KCNH1: variants seen among roughly 807,000 people sequenced by gnomAD.
KCNH1 encodes voltage-gated delayed rectifier potassium channel KCNH1.
In KCNH1, 27 loss-of-function variants were observed where a neutral mutation model predicts 69.2. The ratio of observed to expected loss-of-function variants is 0.39; its 90% CI spans 0.29 to 0.54. KCNH1 has a LOEUF of 0.54. Among genes scored for constraint, KCNH1 ranks in the 20% least tolerant of loss-of-function variants. The pLI is 0.68. For missense variants in KCNH1, 798 were observed against 1,261.6 expected (o/e 0.63, Z 5.57); for synonymous variants, 456 against 487.7 (o/e 0.93, Z 0.86).
intron 7 of KCNH1, chr1:210,861,649 A>G (rs1418564648): frequency 1.3e-6 from 1 of 771,722 alleles, no homozygotes; most frequent in African/African-American, 1.7e-5. Flanking sequence ...AGCATAGAGT[A>G]TATACTGAAC....
intron 10 of KCNH1, among the ~76,000 whole-genome samples, chr1:210,731,265 C>G (rs1244158448): frequency 6.6e-6 from 1 of 152,008 alleles, no homozygotes; most frequent in Admixed American, 6.5e-5. Flanking sequence ...TTATAAAAGC[C>G]CATATACTTG....
rs200962060 is a variant in KCNH1 at position 211,121,039 on chromosome 1, CAAAT to C, written c.79+12824_79+12827del. ...TCAGGGAAATAAGAGAGGACACAAA[CAAAT>C]GGAAAAAAATTCCATCCTCATGGAT... On this transcript the variant is annotated intron_variant, in intron 1 of 10. Transcript: ENST00000271751. Among the ~76,000 whole-genome samples the C allele has an allele frequency of 7.9e-3, 1,202 of 152,102 alleles. 11 individuals are homozygous for C. The highest frequency in any genetic ancestry group is 0.027 in the African/African-American group (1,130 of 41,472).
chr1:210,988,543 A>C (rs1450731960), intron 6 of KCNH1, among the ~76,000 whole-genome samples: 2 of 152,252 alleles, frequency 1.3e-5, no homozygotes, highest in Non-Finnish European at 2.9e-5. Context: ...GTCTATTGCA[A>C]TAAGCCATCA....
At chr1:211,015,971 TA>T (rs1332794048) in intron 6 of KCNH1, among the ~76,000 whole-genome samples, 1 of 152,252 alleles carries the variant, frequency 6.6e-6, no homozygotes, top group Non-Finnish European at 1.5e-5. Context: ...ATATTTGTAC[TA>T]TTATTTATGA....
At chr1:210,906,638 G>C (rs1431705053) in intron 7 of KCNH1, among the ~76,000 whole-genome samples, 1 of 152,170 alleles carries the variant, frequency 6.6e-6, no homozygotes, top group Non-Finnish European at 1.5e-5. Context: ...TGTCCAAATG[G>C]CCTGTCCATA....
chr1:211,132,362 T>C (rs1691892522), intron 1 of KCNH1, among the ~76,000 whole-genome samples: 1 of 152,212 alleles, frequency 6.6e-6, no homozygotes, highest in South Asian at 2.1e-4. Context: ...GCTGTTCACA[T>C]AGCAATTATC....
intron 7 of KCNH1, among the ~76,000 whole-genome samples, chr1:210,854,617 C>T (rs866089802): frequency 6.6e-6 from 1 of 152,152 alleles, no homozygotes; most frequent in South Asian, 2.1e-4. Context: ...CAGTAATAAG[C>T]AGGGGCATCA....
intron 1 of KCNH1, among the ~76,000 whole-genome samples, chr1:211,125,777 T>C (rs765627847): frequency 6.6e-6 from 1 of 152,212 alleles, no homozygotes; most frequent in Non-Finnish European, 1.5e-5. Context: ...TGGGAAATGA[T>C]GGTTTTTAGT....
chr1:211,048,762 T>G (rs1479395232), intron 5 of KCNH1, among the ~76,000 whole-genome samples: 1 of 152,138 alleles, frequency 6.6e-6, no homozygotes, highest in African/African-American at 2.4e-5. Flanking sequence ...AGGTGATGGG[T>G]GTACCAAACC....
chr1:210,838,841 G>A (rs1459654060), intron 7 of KCNH1, among the ~76,000 whole-genome samples: 1 of 152,162 alleles, frequency 6.6e-6, no homozygotes, highest in Non-Finnish European at 1.5e-5. Context: ...TTAGAGAAAT[G>A]CAAATCAAAA....
chr1:210,957,819 G>GA lies in KCNH1; in HGVS notation c.1033-37751dup, dbSNP rs1163782807. 1.8e-4 allele frequency among the ~76,000 whole-genome samples: 27 copies of GA among 152,266 alleles called. 1 individual carries two copies. Among genetic ancestry groups the GA allele is most frequent in the African/African-American group, 6.0e-4 (25 of 41,552 alleles). ...GGCCTATGTGTGTCTCTGCACATGA[G>GA]ATGGGTCTCCTGAATACAGCACACT... On this transcript the variant is annotated intron_variant, in intron 6 of 10. Coordinates refer to ENST00000271751, the MANE Select transcript of KCNH1 (RefSeq NM_172362.3).
rs4639824 is a variant in KCNH1, at chr1:211,009,731, A to T, written c.1032+9052T>A. Among the ~76,000 whole-genome samples the T allele has an allele frequency of 4.2e-4, 64 of 151,526 alleles. 1 individual carries two copies. The Middle Eastern group carries it at 0.014, about 32-fold the overall frequency. On this transcript the variant is annotated intron_variant, in intron 6 of 10. Transcript: ENST00000271751. ...TCAAGCAATTCTCCTGCCTCAGCCT[A>T]CTGAGTGGCTGGGACTAGAGGTGCT... is the stretch of plus-strand genomic sequence containing the variant.
intron 1 of KCNH1, among the ~76,000 whole-genome samples, chr1:211,111,155 C>A (rs1225351784): frequency 2.6e-5 from 4 of 152,170 alleles, no homozygotes; most frequent in Admixed American, 6.5e-5. Context: ...AGATAGATTT[C>A]AAGCTCCAGA....
At chr1:210,897,517 C>CA (rs1041625872) in intron 7 of KCNH1, among the ~76,000 whole-genome samples, 6 of 152,246 alleles carry the variant, frequency 3.9e-5, no homozygotes, top group African/African-American at 1.4e-4. Context: ...GTGATGAGGA[C>CA]ACCCCTGCCC....
chr1:210,917,253 A>G (rs1441225193), intron 7 of KCNH1, among the ~76,000 whole-genome samples: 2 of 148,636 alleles, frequency 1.3e-5, no homozygotes, highest in African/African-American at 2.5e-5. Context: ...GAAAGAAAGA[A>G]AGAAAGAAAG....
At chr1:210,772,316 G>A (rs1683768125) in intron 10 of KCNH1, among the ~76,000 whole-genome samples, 1 of 152,066 alleles carries the variant, frequency 6.6e-6, no homozygotes, top group Non-Finnish European at 1.5e-5. Context: ...AAGAATCTTA[G>A]CAAATAAAAC....
At chr1:211,073,801 A>G (rs1690686853) in intron 5 of KCNH1, among the ~76,000 whole-genome samples, 1 of 152,120 alleles carries the variant, frequency 6.6e-6, no homozygotes, top group African/African-American at 2.4e-5. Context: ...TTAGGAAACT[A>G]AAAAATTAAA....
At chr1:210,835,475 T>C (rs1246293829) in intron 7 of KCNH1, among the ~76,000 whole-genome samples, 1 of 152,168 alleles carries the variant, frequency 6.6e-6, no homozygotes, top group East Asian at 1.9e-4. Flanking sequence ...TTATTTCTGA[T>C]TTAGAATCTT....
chr1:210,938,878 A>G (rs1270949471), intron 6 of KCNH1, among the ~76,000 whole-genome samples: 1 of 152,224 alleles, frequency 6.6e-6, no homozygotes, highest in Non-Finnish European at 1.5e-5. Flanking sequence ...TCACTCTCTG[A>G]CTTGAATTCT....
Sources: allele counts gnomAD v4.1 joint callset (sites outside exome capture counted in the v4.1 genomes callset), GRCh38; gene constraint gnomAD v4.1.1; transcripts MANE v1.5; gene names NCBI Gene and HGNC (gene_info 2026-07-23, HGNC 2026-07-21).